The following TYR variants were observed in gnomAD, a reference collection of about 807,000 sequenced individuals.
TYR encodes LB24-AB.
A neutral mutation model predicts 51.5 loss-of-function variants in TYR; 58 were observed. The ratio of observed to expected loss-of-function variants is 1.13; its 90% CI spans 0.91 to 1.40. The LOEUF (loss-of-function observed/expected upper bound fraction) is 1.40. Ranked by LOEUF, TYR falls within the 40% of genes most tolerant of loss-of-function variation. The pLI, the probability that TYR is intolerant of heterozygous loss-of-function variation, is 0.00. For missense variants in TYR, 732 were observed against 647.4 expected (o/e 1.13, Z -1.42); for synonymous variants, 263 against 235.2 (o/e 1.12, Z -1.08).
At position 89,178,149 on chromosome 11, in the gene TYR, G is replaced by C; in HGVS notation, c.196G>C (p.Gly66Arg). The C allele has an allele frequency of 6.2e-7, 1 of 1,614,154 alleles. No individual in the cohort carries two copies. Among genetic ancestry groups the C allele is most frequent in the Non-Finnish European group, 8.5e-7 (1 of 1,180,020 alleles). Residue 66 changes from glycine (G) to arginine (R), a missense_variant, in exon 1 of 5, where the codon GGG (glycine) becomes CGG (arginine). By Grantham distance (125) the Gly-to-Arg change is moderately radical. Transcript: ENST00000263321. The part of the protein sequence containing the change: ...QNILLSNAPL[G>R]PQFPFTGVDD... ...TATCCTTCTGTCCAATGCACCACTT[G>C]GGCCTCAATTTCCCTTCACAGGGGT...
At chr11:89,262,277 T>C (rs192013596) in intron 3 of TYR, among the ~76,000 whole-genome samples, 2,215 of 152,194 alleles carry the variant, frequency 0.015, 46 homozygotes, top group African/African-American at 0.05. Flanking sequence ...CAGGCTGGTC[T>C]TGAACTCCTG....
Position 89,206,547 on chromosome 11 carries a change from G to A in TYR, c.1036+15129G>A, listed in dbSNP as rs544958616. 1.3e-3 allele frequency among the ~76,000 whole-genome samples: 194 copies of A among 152,258 alleles called. 10 individuals are homozygous for A. Among genetic ancestry groups the A allele is most frequent in the Middle Eastern group, 6.8e-3 (2 of 294 alleles). The stretch of plus-strand genomic sequence containing the variant: ...AGACAAATTCACAATTACAGTTGGA[G>A]AATTCAATACTGCTGTTTAACCAAC... On this transcript the variant is annotated intron_variant, in intron 2 of 4. Transcript: ENST00000263321.
At chr11:89,193,524 A>G (rs1000050446) in intron 2 of TYR, among the ~76,000 whole-genome samples, 1 of 152,122 alleles carries the variant, frequency 6.6e-6, no homozygotes, top group African/African-American at 2.4e-5. Context: ...GTGTGTGAGA[A>G]GCAAACAGAT....
rs749096874 is a variant in TYR, at chr11:89,178,557, C to G, written c.604C>G (p.His202Asp). The G allele has an allele frequency of 1.9e-6, 3 of 1,614,140 alleles. No individual in the cohort carries two copies. Residue 202 changes from histidine (H) to aspartate (D), a missense_variant, in exon 1 of 5, where the codon CAT (histidine) becomes GAT (aspartate). Physicochemically the swap from His to Asp is moderately conservative, Grantham distance 81 (BLOSUM62 -1). Transcript: ENST00000263321. ...SEIWRDIDFA[H>D]EAPAFLPWHR... is the part of the protein sequence containing the mutation. ...AATCTGGAGAGACATTGATTTTGCC[C>G]ATGAAGCACCAGCTTTTCTGCCTTG... is the stretch of plus-strand genomic sequence containing the variant.
At position 89,178,751 on chromosome 11, in the gene TYR, A is replaced by G. The variant is rs1360472075; in HGVS notation, c.798A>G (p.Ala266=). 1.2e-6 allele frequency: 2 copies of G among 1,614,134 alleles called. No homozygotes were observed. Among genetic ancestry groups the G allele is most frequent in the South Asian group, 1.1e-5 (1 of 91,088 alleles). ...CAAATCCTAACTTACTCAGCCCAGC[A>G]TCATTCTTCTCCTCTTGGCAGGTAA... The part of the protein sequence containing the change: ...HPTNPNLLSP[A]SFFSSWQIVC... Residue 266 remains alanine (A), a synonymous_variant, in exon 1 of 5, where the codon GCA becomes GCG. Coordinates refer to ENST00000263321, the MANE Select transcript of TYR (RefSeq NM_000372.5).
chr11:89,179,119 T>G (rs1313275521), intron 1 of TYR, among the ~76,000 whole-genome samples: 3 of 152,148 alleles, frequency 2.0e-5, no homozygotes, highest in Non-Finnish European at 4.4e-5. Context: ...AATGAATATC[T>G]GGATGATTAA....
rs753099090 is a variant in TYR, at chr11:89,178,522, G to A, written c.569G>A (p.Gly190Glu). ...TATGTGTCAATGGATGCACTGCTTGGGGGATCTGAAATCTGGAGAGACATT... is the reference window on the plus strand; with the variant it reads ...TATGTGTCAATGGATGCACTGCTTGAGGGATCTGAAATCTGGAGAGACATT... Reference protein sequence around the residue: ...HYYVSMDALLGGSEIWRDIDF... With the variant: ...HYYVSMDALLEGSEIWRDIDF... Residue 190 changes from glycine to glutamate, a missense_variant, in exon 1 of 5, where the codon GGG becomes GAG. Transcript: ENST00000263321. 1.2e-6 allele frequency: 2 copies of A among 1,613,964 alleles called. No individual in the cohort carries two copies. Among genetic ancestry groups the A allele is most frequent in the Non-Finnish European group, 1.7e-6 (2 of 1,180,014 alleles).
intron 4 of TYR, among the ~76,000 whole-genome samples, chr11:89,294,634 G>T (rs1465762177): frequency 2.0e-5 from 3 of 152,218 alleles, no homozygotes; most frequent in African/African-American, 4.8e-5. Flanking sequence ...TCTGTTTCAA[G>T]ATTTAAGACT....
At chr11:89,208,632 T>C (rs1047186480) in intron 2 of TYR, among the ~76,000 whole-genome samples, 2 of 152,220 alleles carry the variant, frequency 1.3e-5, no homozygotes, top group Non-Finnish European at 2.9e-5. Flanking sequence ...GCTCAGTGAG[T>C]ATGCAATTCA....
chr11:89,189,619 A>G lies in TYR; in HGVS notation c.820-1583A>G, dbSNP rs529013618. 1.5e-4 allele frequency among the ~76,000 whole-genome samples: 23 copies of G among 152,256 alleles called. 1 individual carries two copies. In the South Asian group the frequency reaches 4.8e-3, roughly 32 times the overall value. ...TGCTATGGGCTTTATATACAGTAAG[A>G]TGCCTATCTCTATTGTTACCAACCC... On this transcript the variant is annotated intron_variant, in intron 1 of 4. Coordinates refer to ENST00000263321, the MANE Select transcript of TYR (RefSeq NM_000372.5).
chr11:89,276,962 A>C (rs1944661617), intron 3 of TYR, among the ~76,000 whole-genome samples: 2 of 151,896 alleles, frequency 1.3e-5, no homozygotes, highest in South Asian at 4.1e-4. Context: ...TTGGAAGGGA[A>C]GAAAACAAAT....
intron 3 of TYR, among the ~76,000 whole-genome samples, chr11:89,259,770 C>T (rs1301064450): frequency 6.6e-6 from 1 of 152,116 alleles, no homozygotes; most frequent in East Asian, 1.9e-4. Flanking sequence ...CCCAGCATAT[C>T]TGCTGGACAA....
In TYR at chr11:89,232,401, G is replaced by A. The variant is rs967068183; in HGVS notation, c.1184+4431G>A. 9.1e-5 allele frequency among the ~76,000 whole-genome samples: 13 copies of A among 143,502 alleles called. 2 individuals carry two copies. Among genetic ancestry groups the A allele is most frequent in the African/African-American group, 3.6e-4 (13 of 36,298 alleles). The allele number at this position is 143,502 out of a possible 152,430, so 94.1% of individuals were successfully genotyped here. ...ACAAAATGATGTCCTTCGCAGCATC[G>A]TGGATGTAGCTGTAGGCCATAATCT... is the stretch of plus-strand genomic sequence containing the variant. On this transcript the variant is annotated intron_variant, in intron 3 of 4. Coordinates refer to ENST00000263321, the MANE Select transcript of TYR (RefSeq NM_000372.5).
At chr11:89,226,675 T>C (rs1943981650) in intron 2 of TYR, among the ~76,000 whole-genome samples, 2 of 152,218 alleles carry the variant, frequency 1.3e-5, no homozygotes, top group African/African-American at 2.4e-5. Flanking sequence ...AAGGAAGATA[T>C]TGCCAATAAA....
At chr11:89,239,632 A>G (rs1032625734) in intron 3 of TYR, among the ~76,000 whole-genome samples, 8 of 151,934 alleles carry the variant, frequency 5.3e-5, no homozygotes, top group African/African-American at 1.9e-4. Flanking sequence ...GAAGTACAGC[A>G]TTGGATTATG....
At chr11:89,222,884 T>A (rs1380174191) in intron 2 of TYR, among the ~76,000 whole-genome samples, 2 of 152,210 alleles carry the variant, frequency 1.3e-5, no homozygotes, top group Non-Finnish European at 2.9e-5. Flanking sequence ...TATTTTGGCA[T>A]CTGTGACTAA....
intron 3 of TYR, among the ~76,000 whole-genome samples, chr11:89,259,157 C>T (rs1248768143): frequency 6.6e-6 from 1 of 151,944 alleles, no homozygotes; most frequent in African/African-American, 2.4e-5. Context: ...GTCTAGAATT[C>T]GTAACATTTA....
At chr11:89,225,799 TAAC>T (rs1334340561) in intron 2 of TYR, among the ~76,000 whole-genome samples, 7 of 152,020 alleles carry the variant, frequency 4.6e-5, no homozygotes, top group South Asian at 2.1e-4. Context: ...AAATTATAGT[TAAC>T]AACAATTTAT....
chr11:89,293,359 A>T (rs1427261983), intron 4 of TYR, among the ~76,000 whole-genome samples: 1 of 151,610 alleles, frequency 6.6e-6, no homozygotes, highest in African/African-American at 2.4e-5. Flanking sequence ...ACACACACAC[A>T]CACACACACA....
Sources: gnomAD v4.1 joint callset for allele counts (sites outside exome capture counted in the v4.1 genomes callset) on GRCh38, gnomAD v4.1.1 for gene constraint, MANE v1.5 for transcripts, NCBI Gene and HGNC (gene_info 2026-07-23, HGNC 2026-07-21) for gene names.